DEFB118: variants seen among roughly 807,000 people sequenced by gnomAD.
The protein encoded by DEFB118 is defensin beta 118.
A neutral mutation model predicts 2.8 loss-of-function variants in DEFB118; 3 were observed. That is an observed-to-expected ratio of 1.09 (90% confidence interval 0.50 to 2.82). The LOEUF (loss-of-function observed/expected upper bound fraction) is 2.82, where lower values mean the gene tolerates loss of function less well. Among genes scored for constraint, DEFB118 ranks in the 30% most tolerant of loss-of-function variants. The pLI is 0.04. For missense variants in DEFB118, 159 were observed against 144.6 expected, an observed-to-expected ratio of 1.10 and a Z score of -0.51; for synonymous variants, 63 against 53.5, an observed-to-expected ratio of 1.18 and a Z score of -0.78.
chr20:31,369,966 T>TGG (rs1568724606), intron 1 of DEFB118, among the ~76,000 whole-genome samples: 2 of 151,876 alleles, frequency 1.3e-5, no homozygotes, highest in African/African-American at 4.8e-5. Flanking sequence ...CTGGTGGGGG[T>TGG]GGGCAAGAAA....
chr20:31,372,601 A>G (rs1263964041), intron 1 of DEFB118, among the ~76,000 whole-genome samples: 2 of 152,212 alleles, frequency 1.3e-5, no homozygotes, highest in Non-Finnish European at 2.9e-5. Context: ...GGGTACAGGT[A>G]GCTTCATTAT....
intron 1 of DEFB118, among the ~76,000 whole-genome samples, chr20:31,369,893 A>G (rs534791470): frequency 1.3e-5 from 2 of 152,314 alleles, no homozygotes; most frequent in African/African-American, 2.4e-5. Context: ...ATATTTACAT[A>G]TATGGATATG....
In DEFB118 at chr20:31,372,927, A is replaced by C. The variant is rs972397477; in HGVS notation, c.129A>C (p.Ala43=). The C allele has an allele frequency of 3.1e-6, 5 of 1,613,900 alleles. No homozygotes were observed. The part of the protein sequence containing the change: ...HCRKQCKDGE[A]VKDTCKNLRA... ...GGAAACAATGCAAAGATGGAGAAGC[A>C]GTGAAAGATACATGCAAAAATCTTC... Residue 43 remains alanine (A), a synonymous_variant, in exon 2 of 2, where the codon GCA becomes GCC. Coordinates refer to ENST00000253381, the MANE Select transcript of DEFB118 (RefSeq NM_054112.3).
intron 1 of DEFB118, among the ~76,000 whole-genome samples, chr20:31,372,347 C>T (rs559147967): frequency 2.6e-5 from 4 of 152,078 alleles, no homozygotes; most frequent in Non-Finnish European, 4.4e-5. Context: ...GTCAAGAGAT[C>T]GAGACCATCC....
rs1986249260 is a variant in DEFB118 at position 31,373,314 on chromosome 20, T to C, written c.*144T>C. 2 of 702,136 alleles carry C rather than the reference T, an allele frequency of 2.8e-6. No homozygotes were observed. The highest frequency in any genetic ancestry group is 6.0e-5 in the Admixed American group (2 of 33,486). 43.5% of individuals were successfully genotyped at this position (702,136 alleles called of 1,614,324 possible). A position where few individuals can be genotyped will look rare whatever the true frequency, so the allele number is the denominator to read the frequency against. ...ATAGAAACAGCTGTGTAAAGAAGTC[T>C]AAAATTTTCACTATTTCCAATGATA... On this transcript the variant is annotated 3_prime_UTR_variant, in exon 2 of 2. Coordinates refer to ENST00000253381, the MANE Select transcript of DEFB118 (RefSeq NM_054112.3).
At chr20:31,371,105 C>A (rs1275482441) in intron 1 of DEFB118, among the ~76,000 whole-genome samples, 1 of 152,168 alleles carries the variant, frequency 6.6e-6, no homozygotes, top group African/African-American at 2.4e-5. Flanking sequence ...TCTATGTGAT[C>A]TCAACTCCCA....
chr20:31,373,423 A>G lies in DEFB118; in HGVS notation c.*253A>G. 2.0e-6 allele frequency: 1 copy of G among 489,764 alleles called. No homozygotes were observed. The highest frequency in any genetic ancestry group is 3.6e-6 in the Non-Finnish European group (1 of 275,942). 30.3% of individuals were successfully genotyped at this position (489,764 alleles called of 1,614,324 possible). On this transcript the variant is annotated 3_prime_UTR_variant, in exon 2 of 2. Transcript: ENST00000253381. Reference sequence around the variant, plus strand: ...TTTTAGTATTTCTTGTTTGCTAGTGACCTATGCACAACTTCAATAGCTTAG... The same window carrying G: ...TTTTAGTATTTCTTGTTTGCTAGTGGCCTATGCACAACTTCAATAGCTTAG...
Position 31,369,596 on chromosome 20 carries a change from G to T in DEFB118, c.58+888G>T, listed in dbSNP as rs147011171. On this transcript the variant is annotated intron_variant, in intron 1 of 1. Transcript: ENST00000253381. ...GTAGAGATGGGGTTTCACCATGTTG[G>T]CAAGGCTGGTCTCAAACTCTTGACC... Among the ~76,000 whole-genome samples the T allele has an allele frequency of 8.5e-3, 1,288 of 152,096 alleles. 25 individuals carry two copies. Among genetic ancestry groups the T allele is most frequent in the African/African-American group, 0.03 (1,235 of 41,470 alleles).
At chr20:31,372,290 A>G (rs756095838) in intron 1 of DEFB118, among the ~76,000 whole-genome samples, 2 of 152,164 alleles carry the variant, frequency 1.3e-5, no homozygotes, top group Non-Finnish European at 2.9e-5. Context: ...TGTGGCTCAC[A>G]CCTGTAATCC....
At position 31,373,134 on chromosome 20, in the gene DEFB118, T is replaced by C; in HGVS notation, c.336T>C (p.Thr112=). 1 of 1,613,964 alleles carries C rather than the reference T, an allele frequency of 6.2e-7. No homozygotes were observed. The highest frequency in any genetic ancestry group is 8.5e-7 in the Non-Finnish European group (1 of 1,179,982). ...MVEESEAGRG[T]ETSLPNVHHS... ...AAGAGTCTGAGGCGGGAAGGGGAAC[T>C]GAGACCTCTCTTCCAAATGTTCACC... The change falls in exon 2 of 2, where the codon ACT becomes ACC. Residue 112 remains threonine (T), a synonymous_variant. Transcript: ENST00000253381.
Position 31,373,346 on chromosome 20 carries a change from T to A in DEFB118, c.*176T>A. ...TTCACTATTTCCAATGATAAACTCT[T>A]CAGTGCTCTTCTTGAAATGTCACAT... On this transcript the variant is annotated 3_prime_UTR_variant, in exon 2 of 2. Transcript: ENST00000253381. 1.7e-6 allele frequency: 1 copy of A among 590,932 alleles called. No individual in the cohort carries two copies. Among genetic ancestry groups the A allele is most frequent in the Admixed American group, 3.1e-5 (1 of 32,556 alleles). The allele number at this position is 590,932 out of a possible 1,614,324, so 36.6% of individuals were successfully genotyped here.
chr20:31,373,285 A>G lies in DEFB118; in HGVS notation c.*115A>G. The G allele has an allele frequency of 1.1e-6, 1 of 905,552 alleles. No homozygotes were observed. The highest frequency in any genetic ancestry group is 1.6e-6 in the Non-Finnish European group (1 of 610,352). 56.1% of individuals were successfully genotyped at this position (905,552 alleles called of 1,614,324 possible). ...CCACCCCCCACCAATATGTAATTCT[A>G]TTAATAGAAACAGCTGTGTAAAGAA... On this transcript the variant is annotated 3_prime_UTR_variant, in exon 2 of 2. Transcript: ENST00000253381.
chr20:31,370,857 T>C lies in DEFB118; in HGVS notation c.59-2000T>C, dbSNP rs910344089. 3.3e-5 allele frequency among the ~76,000 whole-genome samples: 5 copies of C among 152,198 alleles called. No individual in the cohort carries two copies. The South Asian group carries it at 1.0e-3, about 32-fold the overall frequency. On this transcript the variant is annotated intron_variant, in intron 1 of 1. Transcript: ENST00000253381. ...CCTCTGCCTCGGGGGTTCAAGCGAT[T>C]CCCCTGCCTCAGCCTCCCGAGTAGC...
chr20:31,369,674 G>A (rs1350812294), intron 1 of DEFB118, among the ~76,000 whole-genome samples: 2 of 151,960 alleles, frequency 1.3e-5, no homozygotes, highest in East Asian at 3.9e-4. Flanking sequence ...ACAGGCATGA[G>A]CCACCGCACC....
rs45452494 is a variant in DEFB118 at position 31,373,784 on chromosome 20, C to T, written c.*614C>T. The T allele has an allele frequency of 1.3e-4, 20 of 151,866 alleles. No homozygotes were observed. The highest frequency in any genetic ancestry group is 4.9e-4 in the African/African-American group (20 of 41,132). 9.4% of individuals were successfully genotyped at this position (151,866 alleles called of 1,614,324 possible). A position where few individuals can be genotyped will look rare whatever the true frequency, so the allele number is the denominator to read the frequency against. On this transcript the variant is annotated 3_prime_UTR_variant, in exon 2 of 2. Coordinates refer to ENST00000253381, the MANE Select transcript of DEFB118 (RefSeq NM_054112.3). ...GGCTCTGTAGACCCATCTTTTTGAC[C>T]AAGCCTTGATCACACATGGACATCC...
intron 1 of DEFB118, 100 bp downstream of exon 1, chr20:31,368,808 A>G: frequency 8.9e-7 from 1 of 1,118,514 alleles, no homozygotes; most frequent in Non-Finnish European, 1.3e-6. Flanking sequence ...GGGCAGCTCC[A>G]CAGTTCCCAC....
chr20:31,369,115 C>G (rs182578635), intron 1 of DEFB118, among the ~76,000 whole-genome samples: 1 of 152,304 alleles, frequency 6.6e-6, no homozygotes, highest in East Asian at 1.9e-4. Context: ...AGTCAGAAAA[C>G]ACTGGTAGAG....
At chr20:31,368,782 CG>C in intron 1 of DEFB118, 74 bp downstream of exon 1, 1 of 1,403,844 alleles carries the variant, frequency 7.1e-7, no homozygotes, top group Admixed American at 1.7e-5. Flanking sequence ...CAATGTGTCA[CG>C]GTACTCCCCA....
intron 1 of DEFB118, among the ~76,000 whole-genome samples, chr20:31,371,960 A>C (rs1471243180): frequency 1.3e-5 from 2 of 151,992 alleles, no homozygotes; most frequent in African/African-American, 4.8e-5. Flanking sequence ...TCAATTCCTG[A>C]GTTACTTCAC....
Sources: allele counts gnomAD v4.1 joint callset (sites outside exome capture counted in the v4.1 genomes callset), GRCh38; gene constraint gnomAD v4.1.1; transcripts MANE v1.5; gene names NCBI Gene and HGNC (gene_info 2026-07-23, HGNC 2026-07-21).